The following FSTL3 variants were observed in gnomAD, a reference collection of about 807,000 sequenced individuals.
FSTL3 encodes the protein follistatin like 3, also known as follistatin-related protein 3.
In FSTL3, 21 loss-of-function variants were observed where a neutral mutation model predicts 28.1. The observed-to-expected ratio is 0.75, with a 90% CI of 0.53 to 1.08. The LOEUF (loss-of-function observed/expected upper bound fraction) is 1.08. FSTL3 is among the 50% of genes least tolerant of loss of function. FSTL3 has a pLI of 0.00. For synonymous variants in FSTL3, 199 were observed against 164.2 expected, an observed-to-expected ratio of 1.21 and a Z score of -1.62; for missense variants, 400 against 380.9, an observed-to-expected ratio of 1.05 and a Z score of -0.42.
In FSTL3 at chr19:676,470, C is replaced by T; in HGVS notation, c.47C>T (p.Ala16Val). 2 of 1,206,300 alleles carry T rather than the reference C, an allele frequency of 1.7e-6. No homozygotes were observed. The highest frequency in any genetic ancestry group is 1.0e-6 in the Non-Finnish European group (1 of 969,132). The allele number at this position is 1,206,300 out of a possible 1,614,324, so 74.7% of individuals were successfully genotyped here. ...PGPLWPLPWG[A>V]LAWAVGFVSS... ...CCACTCTGGCCTCTGCCCTGGGGGGCCCTGGCTTGGGCCGTGGGCTTCGTG... is the reference window on the plus strand; with the variant it reads ...CCACTCTGGCCTCTGCCCTGGGGGGTCCTGGCTTGGGCCGTGGGCTTCGTG... Residue 16 changes from alanine to valine, a missense_variant, in exon 1 of 5, where the codon GCC becomes GTC. Ala to Val is a moderately conservative substitution (Grantham distance 64). Transcript: ENST00000166139.
intron 1 of FSTL3, 88 bp downstream of exon 1, chr19:676,614 G>C (rs902415679): frequency 1.6e-4 from 64 of 394,644 alleles, no homozygotes; most frequent in African/African-American, 1.3e-3. Context: ...GGGGGGCGCG[G>C]CGGCGGCGGC....
chr19:678,111 A>C, intron 2 of FSTL3, 134 bp downstream of exon 2: 1 of 792,612 alleles, frequency 1.3e-6, no homozygotes, highest in Non-Finnish European at 2.0e-6. Context: ...GGGGGATCCC[A>C]GCCTCAGAGA....
rs933029539 is a variant in FSTL3, at chr19:682,630, G to A, written c.*922G>A. ...TGCCCCCTGGGAAAGGGCACGGCCTGTGCTCCTGACACGGGCTGTGCTTGG... is the reference window on the plus strand; with the variant it reads ...TGCCCCCTGGGAAAGGGCACGGCCTATGCTCCTGACACGGGCTGTGCTTGG... On this transcript the variant is annotated 3_prime_UTR_variant, in exon 5 of 5. Coordinates refer to ENST00000166139, the MANE Select transcript of FSTL3 (RefSeq NM_005860.3). 8.6e-6 allele frequency: 2 copies of A among 233,442 alleles called. No homozygotes were observed. Among genetic ancestry groups the A allele is most frequent in the African/African-American group, 4.4e-5 (2 of 45,352 alleles). 14.5% of individuals were successfully genotyped at this position (233,442 alleles called of 1,614,324 possible).
At chr19:677,395 T>A (rs916018317) in intron 1 of FSTL3, among the ~76,000 whole-genome samples, 4 of 151,640 alleles carry the variant, frequency 2.6e-5, no homozygotes, top group Non-Finnish European at 5.9e-5. Flanking sequence ...CGCCCTCGGG[T>A]GCTGTCTAGA....
intron 2 of FSTL3, chr19:680,001 A>ATC (rs1555683190): frequency 6.6e-6 from 1 of 152,612 alleles, no homozygotes. Flanking sequence ...CCGGGCAGAG[A>ATC]CCCCCCCCCG....
At position 681,380 on chromosome 19, in the gene FSTL3, G is replaced by T. The variant is rs1379874735; in HGVS notation, c.553G>T (p.Asp185Tyr). The T allele has an allele frequency of 1.9e-6, 3 of 1,591,604 alleles. No homozygotes were observed. Among genetic ancestry groups the T allele is most frequent in the Non-Finnish European group, 2.6e-6 (3 of 1,176,332 alleles). Reference protein sequence around the residue: ...VCPRPQSCVVDQTGSAHCVVC... With the variant: ...VCPRPQSCVVYQTGSAHCVVC... ...CCCGCGGCCACAGTCGTGCGTCGTG[G>T]ACCAGACGGGCAGCGCCCACTGCGT... Residue 185 changes from aspartate to tyrosine, a missense_variant, in exon 4 of 5, where the codon GAC becomes TAC. Coordinates refer to ENST00000166139, the MANE Select transcript of FSTL3 (RefSeq NM_005860.3).
rs2031209356 is a variant in FSTL3, at chr19:676,420, C to T, written c.-4C>T. Reference sequence around the variant, plus strand: ...TCGGTGCCGCTGCCGTCTCTGCGTTCGCCATGCGTCCCGGGGCGCCAGGGC... The same window carrying T: ...TCGGTGCCGCTGCCGTCTCTGCGTTTGCCATGCGTCCCGGGGCGCCAGGGC... On this transcript the variant is annotated 5_prime_UTR_variant, in exon 1 of 5. Coordinates refer to ENST00000166139, the MANE Select transcript of FSTL3 (RefSeq NM_005860.3). 5 of 1,162,960 alleles carry T rather than the reference C, an allele frequency of 4.3e-6. No homozygotes were observed. Among genetic ancestry groups the T allele is most frequent in the South Asian group, 3.4e-5 (1 of 29,274 alleles). The allele number at this position is 1,162,960 out of a possible 1,614,324, so 72.0% of individuals were successfully genotyped here. A position where few individuals can be genotyped will look rare whatever the true frequency, so the allele number is the denominator to read the frequency against.
At chr19:680,566 G>C in intron 3 of FSTL3, 77 bp downstream of exon 3, 1 of 878,606 alleles carries the variant, frequency 1.1e-6, no homozygotes, top group Non-Finnish European at 1.5e-6. Flanking sequence ...GGCTGCTGCC[G>C]CAGTAGGCGG....
In FSTL3 at chr19:681,929, G is replaced by A. The variant is rs2031345660; in HGVS notation, c.*221G>A. The A allele has an allele frequency of 3.4e-6, 2 of 594,580 alleles. No homozygotes were observed. Among genetic ancestry groups the A allele is most frequent in the Non-Finnish European group, 3.0e-6 (1 of 333,148 alleles). 36.8% of individuals were successfully genotyped at this position (594,580 alleles called of 1,614,324 possible). A position where few individuals can be genotyped will look rare whatever the true frequency, so the allele number is the denominator to read the frequency against. On this transcript the variant is annotated 3_prime_UTR_variant, in exon 5 of 5. Transcript: ENST00000166139. ...GGGATAGACCTGCGTTCCGGACACT[G>A]AGCGCCTGATTTAGGGCCCTTCTCT...
chr19:678,169 C>T, intron 2 of FSTL3, 192 bp downstream of exon 2: 1 of 599,660 alleles, frequency 1.7e-6, no homozygotes, highest in African/African-American at 1.9e-5. Flanking sequence ...TCTTGCAGCT[C>T]AGGACTCAGG....
chr19:681,702 C>T lies in FSTL3; in HGVS notation c.786C>T (p.Phe262=), dbSNP rs140678156. ...GGESAEEEEN[F]V ...AGTCTGCAGAAGAGGAAGAGAACTT[C>T]GTGTGAGCCTGCAGGACAGGCCTGG... The change falls in exon 5 of 5, where the codon TTC becomes TTT. Residue 262 remains phenylalanine (F), a synonymous_variant. Coordinates refer to ENST00000166139, the MANE Select transcript of FSTL3 (RefSeq NM_005860.3). 48 of 1,558,336 alleles carry T rather than the reference C, an allele frequency of 3.1e-5. No individual in the cohort carries two copies. Among genetic ancestry groups the T allele is most frequent in the Admixed American group, 3.8e-5 (2 of 51,988 alleles).
At position 678,499 on chromosome 19, in the gene FSTL3, GTTTTTTT is replaced by G. The variant is rs746126061; in HGVS notation, c.289+542_289+548del. On this transcript the variant is annotated intron_variant, in intron 2 of 4. Coordinates refer to ENST00000166139, the MANE Select transcript of FSTL3 (RefSeq NM_005860.3). The stretch of plus-strand genomic sequence containing the variant: ...AGATTCTCCGCACTGGAGGATGATG[GTTTTTTT>G]TTTTTTTTTTTTTTTTTTTCCTGAG... Among the ~76,000 whole-genome samples the G allele has an allele frequency of 1.2e-3, 106 of 91,232 alleles. 1 individual carries two copies. The East Asian group carries it at 0.02, about 18-fold the overall frequency. 59.9% of individuals were successfully genotyped at this position (91,232 alleles called of 152,430 possible).
chr19:681,644 T>C lies in FSTL3; in HGVS notation c.734-6T>C, dbSNP rs779060887. The C allele has an allele frequency of 1.3e-6, 2 of 1,582,182 alleles. No homozygotes were observed. Among genetic ancestry groups the C allele is most frequent in the Non-Finnish European group, 1.7e-6 (2 of 1,164,398 alleles). On this transcript the variant is annotated splice_region_variant and splice_polypyrimidine_tract_variant and intron_variant, in intron 4 of 4. Transcript: ENST00000166139. Reference sequence around the variant, plus strand: ...GCGCCCTCAATGCTCTTATCGACCCTTGCAGGCACCCCTGAGGAGCCGCCA... The same window carrying C: ...GCGCCCTCAATGCTCTTATCGACCCCTGCAGGCACCCCTGAGGAGCCGCCA...
intron 1 of FSTL3, 38 bp downstream of exon 1, chr19:676,564 AC>A: frequency 1.5e-6 from 1 of 671,416 alleles, no homozygotes; most frequent in Non-Finnish European, 2.0e-6. Flanking sequence ...GGGGCGGGCC[AC>A]CCACGTGGGG....
At chr19:680,164 C>G in intron 2 of FSTL3, 110 bp from the exon 3 acceptor site, 1 of 592,234 alleles carries the variant, frequency 1.7e-6, no homozygotes, top group Non-Finnish European at 2.5e-6. Flanking sequence ...GACGGCGCCC[C>G]CGCCTCCGCC....
chr19:676,610 C>CGCG lies in FSTL3; in HGVS notation c.103+98_103+100dup, dbSNP rs534552077. 3,072 of 382,806 alleles carry CGCG rather than the reference C, an allele frequency of 8.0e-3. 89 individuals carry two copies. The highest frequency in any genetic ancestry group is 0.061 in the African/African-American group (2,756 of 45,416). The allele number at this position is 382,806 out of a possible 1,614,324, so 23.7% of individuals were successfully genotyped here. A position where few individuals can be genotyped will look rare whatever the true frequency, so the allele number is the denominator to read the frequency against. On this transcript the variant is annotated intron_variant, in intron 1 of 4. Transcript: ENST00000166139. Reference sequence around the variant, plus strand: ...ATGCGGCCGGGGGGACGTCGGGGGGCGCGGCGGCGGCGGCGGGGGCGAGGG... The same window carrying CGCG: ...ATGCGGCCGGGGGGACGTCGGGGGGCGCGGCGGCGGCGGCGGCGGGGGCGAGGG...
intron 2 of FSTL3, 50 bp downstream of exon 2, chr19:678,027 CACAA>C: frequency 1.9e-6 from 3 of 1,549,874 alleles, no homozygotes; most frequent in South Asian, 1.1e-5. Context: ...CAGGACCAGC[CACAA>C]ACAGTCATGG....
At chr19:678,697 G>A (rs2031265129) in intron 2 of FSTL3, among the ~76,000 whole-genome samples, 1 of 151,976 alleles carries the variant, frequency 6.6e-6, no homozygotes, top group Non-Finnish European at 1.5e-5. Flanking sequence ...TTTTGGTAGA[G>A]ACAGGGTTTC....
rs1247839359 is a variant in FSTL3, at chr19:676,396, C to A, written c.-28C>A. On this transcript the variant is annotated 5_prime_UTR_variant, in exon 1 of 5. Transcript: ENST00000166139. The stretch of plus-strand genomic sequence containing the variant: ...GAGCGCCGGCCGCGCGCTGGGAAGT[C>A]GGTGCCGCTGCCGTCTCTGCGTTCG... 1 of 923,002 alleles carries A rather than the reference C, an allele frequency of 1.1e-6. No homozygotes were observed. Among genetic ancestry groups the A allele is most frequent in the Non-Finnish European group, 1.4e-6 (1 of 720,662 alleles). 57.2% of individuals were successfully genotyped at this position (923,002 alleles called of 1,614,324 possible). A position where few individuals can be genotyped will look rare whatever the true frequency, so the allele number is the denominator to read the frequency against.
Sources: allele counts gnomAD v4.1 joint callset (sites outside exome capture counted in the v4.1 genomes callset), GRCh38; gene constraint gnomAD v4.1.1; transcripts MANE v1.5; gene names NCBI Gene and HGNC (gene_info 2026-07-23, HGNC 2026-07-21).